The following RBKS variants were observed in gnomAD, a reference collection of about 807,000 sequenced individuals.
RBKS encodes the protein ribokinase.
In RBKS, 33 loss-of-function variants were observed where a neutral mutation model predicts 33.9. The observed-to-expected ratio is 0.97, with a 90% CI of 0.74 to 1.30. RBKS has a LOEUF of 1.30. Ranked by LOEUF, RBKS falls within the 50% of genes most tolerant of loss-of-function variation. The probability of loss-of-function intolerance (pLI) is 0.00; values close to 1 mark genes in which losing one functional copy is unlikely to be tolerated. For synonymous variants in RBKS, 125 were observed against 143.0 expected (o/e 0.87, Z 0.90); for missense variants, 361 against 392.6 (o/e 0.92, Z 0.68).
At chr2:27,849,237 TG>T (rs1230904295) in intron 2 of RBKS, among the ~76,000 whole-genome samples, 2 of 151,368 alleles carry the variant, frequency 1.3e-5, no homozygotes, top group East Asian at 1.9e-4. Flanking sequence ...TATTTTGAAT[TG>T]GGTGTCTATT....
intron 7 of RBKS, among the ~76,000 whole-genome samples, chr2:27,825,417 A>C (rs1462140737): frequency 6.6e-6 from 1 of 152,216 alleles, no homozygotes; most frequent in Non-Finnish European, 1.5e-5. Context: ...AGAAGGGAAA[A>C]TTTGCTTTAC....
At chr2:27,885,327 C>A (rs1664507196) in intron 1 of RBKS, among the ~76,000 whole-genome samples, 1 of 152,208 alleles carries the variant, frequency 6.6e-6, no homozygotes, top group Non-Finnish European at 1.5e-5. Context: ...CCTTCCCCTT[C>A]ATGCTATTTA....
rs753213851 is a variant in RBKS at position 27,827,689 on chromosome 2, A to C, written c.673T>G (p.Leu225Val). 6.2e-7 allele frequency: 1 copy of C among 1,613,936 alleles called. No individual in the cohort carries two copies. Among genetic ancestry groups the C allele is most frequent in the Non-Finnish European group, 8.5e-7 (1 of 1,179,940 alleles). Residue 225 changes from leucine (L) to valine (V), a missense_variant, in exon 7 of 8, where the codon TTG becomes GTG. By Grantham distance (32) the Leu-to-Val change is conservative. Transcript: ENST00000302188. ...ATTACCACCTGGCAGCCCCTTTTCAAGAGCACTAATGCAGCCTCCCCAGCA... is the reference window on the plus strand; with the variant it reads ...ATTACCACCTGGCAGCCCCTTTTCACGAGCACTAATGCAGCCTCCCCAGCA... ...ADAGEAALVLLKRGCQVVIIT... is the reference protein window; with the variant it reads ...ADAGEAALVLVKRGCQVVIIT...
At chr2:27,836,411 A>G (rs1678520112) in intron 5 of RBKS, among the ~76,000 whole-genome samples, 1 of 152,198 alleles carries the variant, frequency 6.6e-6, no homozygotes, top group African/African-American at 2.4e-5. Context: ...CTCCCTATTC[A>G]ATAAATGATG....
chr2:27,810,074 ATTG>A lies in RBKS; in HGVS notation c.795+17490_795+17492del. ...TGAAAATGAAGGAAGGAACTGAGCA[ATTG>A]TTCTGTGAATCTAACTGCATTGAAA... is the stretch of plus-strand genomic sequence containing the variant. On this transcript the variant is annotated intron_variant, in intron 7 of 7. Transcript: ENST00000302188. This position sits in a 1 kb window ranked among gnomAD's most constrained non-coding sequence, Gnocchi z 4.4. The A allele has an allele frequency of 3.1e-6, 4 of 1,303,526 alleles. No individual in the cohort carries two copies. Among genetic ancestry groups the A allele is most frequent in the Non-Finnish European group, 4.0e-6 (4 of 988,770 alleles). The allele number at this position is 1,303,526 out of a possible 1,614,324, so 80.7% of individuals were successfully genotyped here. A position where few individuals can be genotyped will look rare whatever the true frequency, so the allele number is the denominator to read the frequency against.
chr2:27,814,247 A>G (rs764976748), intron 7 of RBKS, among the ~76,000 whole-genome samples: 1 of 152,160 alleles, frequency 6.6e-6, no homozygotes, highest in Non-Finnish European at 1.5e-5. Flanking sequence ...TAACCTCTTC[A>G]TAACATTAAG....
chr2:27,849,496 G>A (rs1329907453), intron 2 of RBKS, among the ~76,000 whole-genome samples: 2 of 131,252 alleles, frequency 1.5e-5, no homozygotes, highest in South Asian at 2.5e-4. Context: ...GGAGGCGGAG[G>A]TTGCAGTAAG....
chr2:27,801,462 T>TACACACACACACAC (rs1491245145), intron 7 of RBKS, among the ~76,000 whole-genome samples: 2 of 82,994 alleles, frequency 2.4e-5, no homozygotes, highest in African/African-American at 9.2e-5. Flanking sequence ...AGGGCCACAG[T>TACACACACACACAC]ATACACACAC....
chr2:27,859,454 A>C (rs1266617664), intron 1 of RBKS, among the ~76,000 whole-genome samples: 1 of 152,236 alleles, frequency 6.6e-6, no homozygotes, highest in Non-Finnish European at 1.5e-5. Context: ...TAAGTGAGGC[A>C]AAAAGAATAA....
At chr2:27,883,812 C>T (rs1323203663) in intron 1 of RBKS, among the ~76,000 whole-genome samples, 6 of 151,842 alleles carry the variant, frequency 4.0e-5, no homozygotes, top group Admixed American at 6.6e-5. Flanking sequence ...CCTCCCACAT[C>T]GGCCTCCCAA....
intron 3 of RBKS, among the ~76,000 whole-genome samples, 189 bp downstream of exon 3, chr2:27,847,845 C>T (rs1663651964): frequency 6.6e-6 from 1 of 152,086 alleles, no homozygotes; most frequent in African/African-American, 2.4e-5. Flanking sequence ...CATTTTATTC[C>T]CATCTGGAGG....
chr2:27,787,252 TGAA>T (rs1677422434), intron 7 of RBKS, among the ~76,000 whole-genome samples: 1 of 152,100 alleles, frequency 6.6e-6, no homozygotes, highest in Non-Finnish European at 1.5e-5. Flanking sequence ...GGCAACGTCG[TGAA>T]GCCCTGTCTC....
intron 4 of RBKS, among the ~76,000 whole-genome samples, chr2:27,845,844 G>A (rs1403627567): frequency 6.6e-6 from 1 of 152,114 alleles, no homozygotes; most frequent in Non-Finnish European, 1.5e-5. Context: ...TCTGTCCTAG[G>A]TGCCCCAGGA....
At chr2:27,832,069 T>C (rs1266479648) in intron 6 of RBKS, among the ~76,000 whole-genome samples, 2 of 152,242 alleles carry the variant, frequency 1.3e-5, no homozygotes, top group Non-Finnish European at 2.9e-5. Flanking sequence ...TGAAATTTTC[T>C]TCCCAACAAT....
intron 7 of RBKS, among the ~76,000 whole-genome samples, chr2:27,816,654 C>T (rs1383971046): frequency 6.6e-6 from 1 of 151,884 alleles, no homozygotes; most frequent in African/African-American, 2.4e-5. Context: ...CCCTCTGTCA[C>T]CCAGGCTGGT....
intron 7 of RBKS, among the ~76,000 whole-genome samples, chr2:27,803,350 A>C (rs537711354): frequency 2.7e-4 from 41 of 152,324 alleles, no homozygotes; most frequent in Non-Finnish European, 4.1e-4. Flanking sequence ...ATTATGTCGC[A>C]AATGTCCATG....
chr2:27,825,350 T>C lies in RBKS; in HGVS notation c.795+2217A>G, dbSNP rs114404894. ...ATTTATAGCATTTATAGCCACGTCATGTACAAAGATTATATTCACTTAATC... is the reference window on the plus strand; with the variant it reads ...ATTTATAGCATTTATAGCCACGTCACGTACAAAGATTATATTCACTTAATC... On this transcript the variant is annotated intron_variant, in intron 7 of 7. Coordinates refer to ENST00000302188, the MANE Select transcript of RBKS (RefSeq NM_022128.3). Among the ~76,000 whole-genome samples, 1,064 of 152,334 alleles carry C rather than the reference T, an allele frequency of 7.0e-3. 13 individuals carry two copies. Among genetic ancestry groups the C allele is most frequent in the African/African-American group, 0.023 (942 of 41,576 alleles).
At chr2:27,809,434 A>C (rs1049156521) in intron 7 of RBKS, among the ~76,000 whole-genome samples, 2 of 152,232 alleles carry the variant, frequency 1.3e-5, no homozygotes, top group Non-Finnish European at 2.9e-5. Context: ...GAGAAGTGGA[A>C]TCCTGAGAGC....
chr2:27,786,794 AAGAAAG>A (rs1558532076), intron 7 of RBKS, among the ~76,000 whole-genome samples: 1 of 78,230 alleles, frequency 1.3e-5, no homozygotes, highest in Non-Finnish European at 2.3e-5. Flanking sequence ...AAAAAAAAAA[AAGAAAG>A]AAAGTTTAAA....
Sources: gnomAD v4.1 joint callset for allele counts (sites outside exome capture counted in the v4.1 genomes callset) on GRCh38, gnomAD v4.1.1 for gene constraint, Gnocchi (gnomAD v3.1) non-coding constraint, MANE v1.5 for transcripts, NCBI Gene and HGNC (gene_info 2026-07-23, HGNC 2026-07-21) for gene names.